MAF: variants seen among roughly 807,000 people sequenced by gnomAD.
The protein encoded by MAF is MAF bZIP transcription factor.
Under a neutral mutation model 22.0 loss-of-function variants are expected in MAF, and 10 were observed. That is an observed-to-expected ratio of 0.45 (90% CI 0.28 to 0.77). MAF has a LOEUF of 0.77. MAF is among the 30% of genes least tolerant of loss of function. The probability of loss-of-function intolerance (pLI) is 0.12; values close to 1 mark genes in which losing one functional copy is unlikely to be tolerated. For missense variants in MAF, 544 were observed against 548.4 expected (o/e 0.99, Z 0.08); for synonymous variants, 337 against 255.8 (o/e 1.32, Z -3.03).
At chr16:79,560,754 T>A in the MAF span, among the ~76,000 whole-genome samples, 1,627 of 152,286 alleles carry the variant, frequency 0.011, 29 homozygotes, top group African/African-American at 0.037. Flanking sequence ...GAGAGGCCAC[T>A]GCCTATTCTT....
chr16:79,286,433 T>A, the MAF span, among the ~76,000 whole-genome samples: 2 of 152,226 alleles, frequency 1.3e-5, no homozygotes, highest in African/African-American at 4.8e-5. Flanking sequence ...GATAGTTTCA[T>A]AGCATAAATT....
chr16:79,394,427 G>A, the MAF span, among the ~76,000 whole-genome samples: 5 of 152,094 alleles, frequency 3.3e-5, no homozygotes, highest in African/African-American at 1.2e-4. Context: ...CCTCCCCTGG[G>A]CCTCCCAGGA....
chr16:79,339,261 T>TG, the MAF span, among the ~76,000 whole-genome samples: 1 of 152,030 alleles, frequency 6.6e-6, no homozygotes, highest in Non-Finnish European at 1.5e-5. Context: ...TTGGTAGACA[T>TG]GGGGTTTCAC....
the MAF span, among the ~76,000 whole-genome samples, chr16:79,232,393 G>T: frequency 6.6e-6 from 1 of 151,930 alleles, no homozygotes. Flanking sequence ...TTATTGATAC[G>T]ACTTTTGGTA....
chr16:79,595,271 A>T (rs1597842307), intron 1 of MAF: 1 of 1,048,766 alleles, frequency 9.5e-7, no homozygotes, highest in East Asian at 5.5e-5. Flanking sequence ...AAGGAAGGTC[A>T]AAATGTCGAG....
chr16:79,564,856 T>C, the MAF span, among the ~76,000 whole-genome samples: 4 of 152,158 alleles, frequency 2.6e-5, no homozygotes, highest in African/African-American at 9.7e-5. Context: ...ATTAACTATG[T>C]GGGGAAGCGA....
the MAF span, among the ~76,000 whole-genome samples, chr16:79,525,385 C>T: frequency 2.6e-5 from 4 of 152,110 alleles, no homozygotes; most frequent in African/African-American, 7.2e-5. Flanking sequence ...GCCATGCGCT[C>T]GGAGGGGACA....
the MAF span, among the ~76,000 whole-genome samples, chr16:79,421,638 A>ATTTTT: frequency 6.9e-6 from 1 of 144,784 alleles, no homozygotes; most frequent in African/African-American, 2.6e-5. Flanking sequence ...AAGAAAAGTG[A>ATTTTT]TTTTTTTTTT....
At chr16:79,301,265 C>T in the MAF span, among the ~76,000 whole-genome samples, 3 of 152,110 alleles carry the variant, frequency 2.0e-5, no homozygotes, top group East Asian at 3.9e-4. Context: ...TGTTTGAATG[C>T]CCGCTAGCCT....
At chr16:79,381,660 T>A in the MAF span, among the ~76,000 whole-genome samples, 17 of 152,314 alleles carry the variant, frequency 1.1e-4, no homozygotes, top group South Asian at 3.5e-3. Flanking sequence ...TCCACTTTGG[T>A]AGCTACAGTG....
At chr16:79,212,712 GT>G in the MAF span, 1 of 152,048 alleles carries the variant, frequency 6.6e-6, no homozygotes, top group South Asian at 2.1e-4. Flanking sequence ...GTTTCAGTTT[GT>G]TTTTGTTTTT....
At chr16:79,435,038 G>C in the MAF span, among the ~76,000 whole-genome samples, 83 of 152,328 alleles carry the variant, frequency 5.4e-4, 1 homozygote, top group South Asian at 0.015. Flanking sequence ...AGAGTGTGGA[G>C]AAGCGAAGTG....
the MAF span, among the ~76,000 whole-genome samples, chr16:79,565,986 A>G: frequency 4.8e-3 from 728 of 152,290 alleles, 7 homozygotes; most frequent in African/African-American, 0.017. Context: ...ACTCTAGGCC[A>G]TGCACAATTC....
the MAF span, among the ~76,000 whole-genome samples, chr16:79,498,752 C>G: frequency 2.0e-5 from 3 of 152,226 alleles, no homozygotes; most frequent in African/African-American, 7.2e-5. Flanking sequence ...AACATAACCT[C>G]TATACTATCC....
the MAF span, among the ~76,000 whole-genome samples, chr16:79,342,848 C>T: frequency 1.3e-5 from 2 of 152,118 alleles, no homozygotes; most frequent in Admixed American, 1.3e-4. Context: ...CATAGCAGAA[C>T]CAGAATTGAA....
chr16:79,295,257 C>G, the MAF span, among the ~76,000 whole-genome samples: 4 of 152,164 alleles, frequency 2.6e-5, no homozygotes, highest in African/African-American at 9.7e-5. Flanking sequence ...AGAAAAATTT[C>G]AGCCAAATTA....
the MAF span, among the ~76,000 whole-genome samples, chr16:79,256,941 G>A: frequency 6.6e-6 from 1 of 152,196 alleles, no homozygotes; most frequent in Non-Finnish European, 1.5e-5. Flanking sequence ...CACTTTGGGA[G>A]GCCGAGGCGG....
chr16:79,276,799 G>C, the MAF span, among the ~76,000 whole-genome samples: 4 of 152,314 alleles, frequency 2.6e-5, no homozygotes, highest in East Asian at 5.8e-4. Context: ...TAGAACAACA[G>C]AAATTCATTC....
chr16:79,488,212 G>A, the MAF span, among the ~76,000 whole-genome samples: 1 of 152,078 alleles, frequency 6.6e-6, no homozygotes, highest in Non-Finnish European at 1.5e-5. Context: ...AGCCAGCCAG[G>A]GTACCCCTTG....
Sources: allele counts gnomAD v4.1 joint callset (sites outside exome capture counted in the v4.1 genomes callset), GRCh38; gene constraint gnomAD v4.1.1; transcripts MANE v1.5; gene names NCBI Gene and HGNC (gene_info 2026-07-23, HGNC 2026-07-21).